Variants in PCDH15 observed in about 807,000 individuals in gnomAD.
PCDH15 encodes the protein protocadherin-15.
PCDH15 carries 129 observed loss-of-function variants against 178.5 expected under a neutral mutation model. That is an observed-to-expected ratio of 0.72 (90% CI 0.63 to 0.84). The LOEUF is 0.84. PCDH15 is among the 40% of genes least tolerant of loss of function. The pLI, the probability that PCDH15 is intolerant of heterozygous loss-of-function variation, is 0.00. For synonymous variants in PCDH15, 800 were observed against 732.0 expected (o/e 1.09, Z -1.50); for missense variants, 2,230 against 2,099.9 (o/e 1.06, Z -1.21).
At position 54,988,243 on chromosome 10, in the gene PCDH15, C is replaced by T. The variant is rs149775100; in HGVS notation, c.-79-90743G>A. Among the ~76,000 whole-genome samples, 1,231 of 152,176 alleles carry T rather than the reference C, an allele frequency of 8.1e-3. 12 individuals carry two copies. Among genetic ancestry groups the T allele is most frequent in the Non-Finnish European group, 0.012 (793 of 67,996 alleles). On this transcript the variant is annotated intron_variant, in intron 2 of 5. Coordinates refer to the PCDH15 transcript ENST00000458638. ...CTATATGTCTGTTTTGGTACTAGTA[C>T]CACACTGTTTTGGTTTGTTTTGGTT...
At chr10:53,897,880 A>G (rs1206226740) in intron 26 of PCDH15, among the ~76,000 whole-genome samples, 1 of 152,056 alleles carries the variant, frequency 6.6e-6, no homozygotes, top group Non-Finnish European at 1.5e-5. Flanking sequence ...TTAGGACTAA[A>G]TAATATTCCA....
intron 2 of PCDH15, among the ~76,000 whole-genome samples, chr10:55,440,739 T>TAACACAAGAATCCTATGTG (rs1839165519): frequency 6.6e-6 from 1 of 152,174 alleles, no homozygotes; most frequent in South Asian, 2.1e-4. Flanking sequence ...GTTTTCACAC[T>TAACACAAGAATCCTATGTG]GCTGATAAAG....
chr10:54,424,289 C>A (rs1041369857), intron 3 of PCDH15, among the ~76,000 whole-genome samples: 34 of 151,842 alleles, frequency 2.2e-4, no homozygotes, highest in Admixed American at 7.2e-4. Context: ...CAGAGAAATG[C>A]AACTCAAAAC....
At chr10:55,498,856 G>C (rs1840592781) in intron 2 of PCDH15, among the ~76,000 whole-genome samples, 1 of 151,814 alleles carries the variant, frequency 6.6e-6, no homozygotes, top group Non-Finnish European at 1.5e-5. Context: ...AGATGTTACA[G>C]ATAGAAATCA....
chr10:53,978,461 C>G lies in PCDH15; in HGVS notation c.2869-16569G>C, dbSNP rs542336952. 2.6e-5 allele frequency among the ~76,000 whole-genome samples: 4 copies of G among 152,170 alleles called. No homozygotes were observed. The South Asian group carries it at 8.3e-4, about 32-fold the overall frequency. ...GGGAACCAAGTCCTGAGGCTATACA[C>G]AGCAGGGGGGTCCCTGGACCCAGCC... On this transcript the variant is annotated intron_variant, in intron 21 of 37. Coordinates refer to ENST00000644397, the MANE Select transcript of PCDH15 (RefSeq NM_001384140.1).
At chr10:54,013,369 G>A (rs2092648712) in intron 20 of PCDH15, among the ~76,000 whole-genome samples, 1 of 152,116 alleles carries the variant, frequency 6.6e-6, no homozygotes. Flanking sequence ...AAGTGAAAAA[G>A]ATATTTAGGA....
chr10:53,899,710 C>G (rs1389165080), intron 26 of PCDH15, among the ~76,000 whole-genome samples: 2 of 152,158 alleles, frequency 1.3e-5, no homozygotes, highest in African/African-American at 4.8e-5. Flanking sequence ...TTCCTTCCTT[C>G]AAACACCACA....
intron 15 of PCDH15, among the ~76,000 whole-genome samples, chr10:54,110,749 GTGTATGAC>G (rs1449423898): frequency 6.6e-6 from 1 of 152,146 alleles, no homozygotes; most frequent in African/African-American, 2.4e-5. Flanking sequence ...GGTGAGACAA[GTGTATGAC>G]TGGGAAAATC....
chr10:54,173,134 A>C (rs533281407), intron 13 of PCDH15, among the ~76,000 whole-genome samples: 1 of 152,326 alleles, frequency 6.6e-6, no homozygotes, highest in Admixed American at 6.5e-5. Flanking sequence ...TAAGGTTTTA[A>C]GAGATACTGA....
At chr10:55,258,406 G>A (rs1213884333) in intron 1 of PCDH15, among the ~76,000 whole-genome samples, 4 of 152,120 alleles carry the variant, frequency 2.6e-5, no homozygotes, top group African/African-American at 4.8e-5. Context: ...TAAAGTCCTA[G>A]GATCAAATTT....
chr10:55,406,042 T>TA (rs919975821), intron 2 of PCDH15, among the ~76,000 whole-genome samples: 4 of 146,974 alleles, frequency 2.7e-5, no homozygotes, highest in African/African-American at 7.7e-5. Flanking sequence ...GTCATGTGGC[T>TA]ATCTAGTTGG....
At chr10:55,508,006 TG>T (rs761212344) in intron 2 of PCDH15, among the ~76,000 whole-genome samples, 1 of 151,758 alleles carries the variant, frequency 6.6e-6, no homozygotes, top group Non-Finnish European at 1.5e-5. Flanking sequence ...TGAGTGATTT[TG>T]ATAATCAAAC....
chr10:54,194,413 G>T (rs762208353), intron 11 of PCDH15, among the ~76,000 whole-genome samples: 1 of 152,062 alleles, frequency 6.6e-6, no homozygotes, highest in Non-Finnish European at 1.5e-5. Flanking sequence ...AAGACTAGTG[G>T]CTACTATGTT....
At chr10:54,234,522 C>T (rs1156851873) in intron 9 of PCDH15, among the ~76,000 whole-genome samples, 1 of 152,046 alleles carries the variant, frequency 6.6e-6, no homozygotes, top group African/African-American at 2.4e-5. Context: ...CGCTGCACTC[C>T]AGTGCGGGTG....
At chr10:55,414,193 T>A (rs1838418199) in intron 2 of PCDH15, among the ~76,000 whole-genome samples, 1 of 151,610 alleles carries the variant, frequency 6.6e-6, no homozygotes, top group African/African-American at 2.4e-5. Context: ...TGTATTTAAG[T>A]ATGCTTTGTC....
chr10:54,936,018 C>G (rs1200757280), intron 2 of PCDH15, among the ~76,000 whole-genome samples: 2 of 151,908 alleles, frequency 1.3e-5, no homozygotes, highest in African/African-American at 4.8e-5. Flanking sequence ...AAAGAAATAC[C>G]ATACCCATCA....
At chr10:54,028,839 G>A (rs2093204700) in intron 18 of PCDH15, among the ~76,000 whole-genome samples, 1 of 149,676 alleles carries the variant, frequency 6.7e-6, no homozygotes, top group Admixed American at 6.7e-5. Context: ...CCTAATGCTA[G>A]ATGACGAGTT....
chr10:54,690,989 C>G (rs935884860), intron 1 of PCDH15, among the ~76,000 whole-genome samples: 1 of 151,910 alleles, frequency 6.6e-6, no homozygotes, highest in Admixed American at 6.6e-5. Flanking sequence ...TCCCTAAAAA[C>G]TTCTTATATG....
intron 21 of PCDH15, among the ~76,000 whole-genome samples, chr10:53,971,773 T>C (rs2089712844): frequency 6.6e-6 from 1 of 152,030 alleles, no homozygotes; most frequent in African/African-American, 2.4e-5. Flanking sequence ...AAACCACGGC[T>C]CAAGGAAATA....
Sources: allele counts gnomAD v4.1 joint callset (sites outside exome capture counted in the v4.1 genomes callset), GRCh38; gene constraint gnomAD v4.1.1; transcripts MANE v1.5; gene names NCBI Gene and HGNC (gene_info 2026-07-23, HGNC 2026-07-21).